Variants in LRRC74B observed in about 807,000 individuals in gnomAD.
LRRC74B encodes the protein leucine rich repeat containing 74B, also known as leucine-rich repeat-containing protein 74B.
In LRRC74B, 30 loss-of-function variants were observed where a neutral mutation model predicts 16.6. The ratio of observed to expected loss-of-function variants is 1.80; its 90% CI spans 1.35 to 2.45. LRRC74B has a LOEUF of 2.45. LRRC74B is among the 30% of genes most tolerant of loss of function. LRRC74B has a pLI of 0.00. For missense variants in LRRC74B, 326 were observed against 202.4 expected (o/e 1.61, Z -3.71); for synonymous variants, 134 against 86.0 (o/e 1.56, Z -3.09).
At chr22:21,046,274 G>A (rs5997219) in intron 1 of LRRC74B, 149 bp downstream of exon 1, 41,870 of 605,428 alleles carry the variant, frequency 0.069, 1,757 homozygotes, top group African/African-American at 0.1. Flanking sequence ...CATTGCTCCT[G>A]GAAGCATCAG....
downstream of LRRC74B, chr22:21,060,665 G>A: frequency 6.7e-6 from 4 of 596,218 alleles, no homozygotes; most frequent in Non-Finnish European, 1.2e-5. Context: ...TCCACACGGT[G>A]CTCACACACC....
rs1396121266 is a variant in LRRC74B at position 21,052,233 on chromosome 22, C to T, written c.623-16C>T. 1 of 717,484 alleles carries T rather than the reference C, an allele frequency of 1.4e-6. No individual in the cohort carries two copies. The highest frequency in any genetic ancestry group is 2.6e-6 in the Non-Finnish European group (1 of 385,080). The allele number at this position is 717,484 out of a possible 1,614,324, so 44.4% of individuals were successfully genotyped here. A position where few individuals can be genotyped will look rare whatever the true frequency, so the allele number is the denominator to read the frequency against. On this transcript the variant is annotated splice_polypyrimidine_tract_variant and intron_variant, in intron 4 of 8. Transcript: ENST00000442047. ...GAAGAGAGTGAGTCAGAAGGTCTCT[C>T]TTGGTGTTTCTGAAGGGGAGACACT...
intron 1 of LRRC74B, 61 bp from the exon 2 acceptor site, chr22:21,047,295 G>T: frequency 1.4e-6 from 1 of 693,060 alleles, no homozygotes; most frequent in Non-Finnish European, 2.7e-6. Context: ...CACAGGGCAG[G>T]GGAGGACACA....
intron 3 of LRRC74B, chr22:21,048,657 A>G: frequency 2.4e-6 from 1 of 422,684 alleles, no homozygotes. Flanking sequence ...TGGTGATATC[A>G]CTGCCAGATG....
chr22:21,060,442 A>G (rs1043749984), exon 9 of LRRC74B: 24 of 716,952 alleles, frequency 3.3e-5, no homozygotes, highest in Admixed American at 8.0e-5. Flanking sequence ...AGAACTCTGC[A>G]TAAAGACTGG....
intron 8 of LRRC74B, among the ~76,000 whole-genome samples, chr22:21,058,165 G>T (rs1930647421): frequency 6.6e-6 from 1 of 151,386 alleles, no homozygotes; most frequent in Admixed American, 6.6e-5. Context: ...CCTTCCAAGT[G>T]CTGGGATTAC....
At chr22:21,053,200 G>T (rs1930205816) in intron 5 of LRRC74B, among the ~76,000 whole-genome samples, 160 bp from the exon 6 acceptor site, 1 of 152,086 alleles carries the variant, frequency 6.6e-6, no homozygotes, top group Non-Finnish European at 1.5e-5. Context: ...GCCACCAGGG[G>T]GTCTGCATGG....
At chr22:21,047,470 A>G in exon 2 of LRRC74B, 1 of 717,382 alleles carries the variant, frequency 1.4e-6, no homozygotes, top group Non-Finnish European at 2.6e-6. Context: ...CAAGAGCTGA[A>G]CCTCCGGCAC....
intron 6 of LRRC74B, among the ~76,000 whole-genome samples, chr22:21,054,413 G>T (rs1039549095): frequency 1.3e-5 from 2 of 152,234 alleles, no homozygotes; most frequent in Admixed American, 6.5e-5. Flanking sequence ...GCCAGGCAGC[G>T]TCCCAGCCTA....
At chr22:21,051,558 C>T (rs756274429) in intron 4 of LRRC74B, among the ~76,000 whole-genome samples, 38 of 152,272 alleles carry the variant, frequency 2.5e-4, no homozygotes, top group Admixed American at 1.2e-3. Context: ...ACCAGCCTTC[C>T]ATCTGGTCCC....
intron 4 of LRRC74B, among the ~76,000 whole-genome samples, chr22:21,050,642 G>A (rs1929943452): frequency 6.6e-6 from 1 of 151,862 alleles, no homozygotes; most frequent in South Asian, 2.1e-4. Context: ...GCCGAGTGTG[G>A]TGGCAGGCGC....
In LRRC74B at chr22:21,057,094, G is replaced by A. The variant is rs1189919160; in HGVS notation, c.928-11G>A. 26 of 717,192 alleles carry A rather than the reference G, an allele frequency of 3.6e-5. 1 individual carries two copies. The highest frequency in any genetic ancestry group is 1.8e-4 in the Admixed American group (9 of 49,986). 44.4% of individuals were successfully genotyped at this position (717,192 alleles called of 1,614,324 possible). ...CCTGGCTTCTCGCAGCTTTGTGTGC[G>A]TGTTTCTCAGGTGTCCAGGAATCCC... On this transcript the variant is annotated splice_polypyrimidine_tract_variant and intron_variant, in intron 7 of 8. Transcript: ENST00000442047.
intron 8 of LRRC74B, among the ~76,000 whole-genome samples, chr22:21,059,347 C>T (rs1406972966): frequency 1.3e-5 from 2 of 152,140 alleles, no homozygotes; most frequent in Admixed American, 6.5e-5. Flanking sequence ...GAGCCGAGAT[C>T]GTGCCATTGC....
intron 3 of LRRC74B, chr22:21,048,370 CAATGTGGGAGTTTGATGGGGCTGGATCCA>C (rs1443725325): frequency 3.4e-6 from 1 of 292,466 alleles, no homozygotes. Flanking sequence ...AGCAGGTAGG[CAATGTGGGAGTTTGATGGGGCTGGATCCA>C]AATGCCAGTT....
In LRRC74B at chr22:21,049,185, A is replaced by G. The variant is rs915594027; in HGVS notation, c.622+28A>G. On this transcript the variant is annotated intron_variant, in intron 4 of 8. Transcript: ENST00000442047. ...AACGCCTGCGCAGGGCACCATGGCC[A>G]TGAAAGCTCAGCTTCCTGGGGCAGG... 1.7e-5 allele frequency: 12 copies of G among 701,624 alleles called. No homozygotes were observed. The African/African-American group carries it at 1.9e-4, about 11-fold the overall frequency. 43.5% of individuals were successfully genotyped at this position (701,624 alleles called of 1,614,324 possible). A position where few individuals can be genotyped will look rare whatever the true frequency, so the allele number is the denominator to read the frequency against.
chr22:21,055,340 C>T (rs957240209), intron 7 of LRRC74B, among the ~76,000 whole-genome samples, 164 bp downstream of exon 7: 19 of 152,192 alleles, frequency 1.2e-4, no homozygotes, highest in Admixed American at 3.3e-4. Flanking sequence ...CCCTCCTCTT[C>T]TCCCCTTCAT....
At chr22:21,049,006 C>T (rs775101310) in exon 4 of LRRC74B, 36 of 715,870 alleles carry the variant, frequency 5.0e-5, no homozygotes, top group Middle Eastern at 3.0e-4. Context: ...CCCTCTGTGC[C>T]GCCCTCACAG....
chr22:21,051,405 G>A (rs1930035524), intron 4 of LRRC74B, among the ~76,000 whole-genome samples: 1 of 152,154 alleles, frequency 6.6e-6, no homozygotes, highest in East Asian at 1.9e-4. Context: ...CTGGCGCCAA[G>A]AAATCCTTCT....
chr22:21,047,887 G>T (rs753513693), exon 3 of LRRC74B: 4 of 717,296 alleles, frequency 5.6e-6, no homozygotes, highest in South Asian at 1.5e-5. Flanking sequence ...GTCCCAGGGC[G>T]CCCGGGCTCT....
Sources: allele counts gnomAD v4.1 joint callset (sites outside exome capture counted in the v4.1 genomes callset), GRCh38; gene constraint gnomAD v4.1.1; transcripts MANE v1.5; gene names NCBI Gene and HGNC (gene_info 2026-07-23, HGNC 2026-07-21).